The following SIPA1L2 variants were observed in gnomAD, a reference collection of about 807,000 sequenced individuals.
The protein encoded by SIPA1L2 is signal-induced proliferation-associated 1-like protein 2.
In SIPA1L2, 56 loss-of-function variants were observed where a neutral mutation model predicts 163.9. The observed-to-expected ratio is 0.34, with a 90% CI of 0.28 to 0.43. The LOEUF (loss-of-function observed/expected upper bound fraction) is 0.43. Ranked by LOEUF, SIPA1L2 falls within the 20% of genes least tolerant of loss-of-function variation. The pLI is 1.00. For synonymous variants in SIPA1L2, 877 were observed against 865.7 expected, an observed-to-expected ratio of 1.01 and a Z score of -0.23; for missense variants, 1,974 against 2,193.5, an observed-to-expected ratio of 0.90 and a Z score of 2.00.
intron 5 of SIPA1L2, among the ~76,000 whole-genome samples, chr1:232,485,573 T>C (rs1413201464): frequency 1.3e-5 from 2 of 152,204 alleles, no homozygotes; most frequent in Admixed American, 1.3e-4. Flanking sequence ...CTCATTTTAT[T>C]GTAAACATTA....
At position 232,415,546 on chromosome 1, in the gene SIPA1L2, T is replaced by C; in HGVS notation, c.4710A>G (p.Thr1570=). The change falls in exon 19 of 23, where the codon ACA becomes ACG. Residue 1570 remains threonine, a synonymous_variant. Transcript: ENST00000674635. Reference sequence around the variant, plus strand: ...GGTGGGTCCAATCTAACCCTGTGGCTGTGTCCGGGAGGGGCATCAGGCCAG... The same window carrying C: ...GGTGGGTCCAATCTAACCCTGTGGCCGTGTCCGGGAGGGGCATCAGGCCAG... The part of the protein sequence containing the change: ...ADPGLMPLPD[T]ATGLDWTHLV... The C allele has an allele frequency of 6.2e-7, 1 of 1,613,896 alleles. No individual in the cohort carries two copies. The highest frequency in any genetic ancestry group is 8.5e-7 in the Non-Finnish European group (1 of 1,179,902).
rs78208982 is a variant in SIPA1L2, at chr1:232,491,252, T to C, written c.1618-190A>G. Among the ~76,000 whole-genome samples, 605 of 152,148 alleles carry C rather than the reference T, an allele frequency of 4.0e-3. 1 individual carries two copies. Among genetic ancestry groups the C allele is most frequent in the African/African-American group, 0.014 (565 of 41,508 alleles). On this transcript the variant is annotated intron_variant, in intron 4 of 22. Coordinates refer to ENST00000674635, the MANE Select transcript of SIPA1L2 (RefSeq NM_020808.5). Reference sequence around the variant, plus strand: ...AAGGAGTCTTTAAACAGTAACAGTATACAAAGATCAGGAACAAGCCAGGCG... The same window carrying C: ...AAGGAGTCTTTAAACAGTAACAGTACACAAAGATCAGGAACAAGCCAGGCG...
At chr1:232,419,217 T>G (rs910740262) in intron 18 of SIPA1L2, among the ~76,000 whole-genome samples, 1 of 152,104 alleles carries the variant, frequency 6.6e-6, no homozygotes, top group Admixed American at 6.5e-5. Flanking sequence ...AAATCTAAAA[T>G]CCATCATTTT....
chr1:232,592,147 A>T (rs1014997180), intron 1 of SIPA1L2, among the ~76,000 whole-genome samples: 1 of 152,184 alleles, frequency 6.6e-6, no homozygotes, highest in East Asian at 1.9e-4. Flanking sequence ...GGAAAAAAAT[A>T]TAAAGTTATC....
chr1:232,442,569 G>GA (rs1354346558), intron 12 of SIPA1L2, among the ~76,000 whole-genome samples: 2 of 142,784 alleles, frequency 1.4e-5, no homozygotes, highest in African/African-American at 2.7e-5. Context: ...AAAAAAAAAG[G>GA]AAAAAAAAGA....
chr1:232,490,808 A>C, intron 5 of SIPA1L2, 66 bp downstream of exon 5: 2 of 1,487,182 alleles, frequency 1.3e-6, no homozygotes, highest in Non-Finnish European at 1.8e-6. Flanking sequence ...TGGATGGGAA[A>C]ACTCCAAAAC....
chr1:232,423,876 A>G (rs965965303), intron 18 of SIPA1L2, among the ~76,000 whole-genome samples: 2 of 152,246 alleles, frequency 1.3e-5, no homozygotes, highest in African/African-American at 4.8e-5. Context: ...AGAAGAGGCC[A>G]GTCTGAAAAG....
chr1:232,627,279 G>A (rs1663128270), intron 1 of SIPA1L2, among the ~76,000 whole-genome samples: 1 of 152,164 alleles, frequency 6.6e-6, no homozygotes, highest in African/African-American at 2.4e-5. Context: ...AAGTATGCAG[G>A]AAACACAATC....
At chr1:232,432,197 A>C in intron 16 of SIPA1L2, 50 bp downstream of exon 16, 4 of 1,478,212 alleles carry the variant, frequency 2.7e-6, no homozygotes, top group Non-Finnish European at 2.8e-6. Flanking sequence ...TGCTTAGTCA[A>C]TCCCTACAGT....
At chr1:232,616,149 C>T (rs7546704) in intron 1 of SIPA1L2, among the ~76,000 whole-genome samples, 115,267 of 152,086 alleles carry the variant, frequency 0.76, 43,858 homozygotes, top group African/African-American at 0.8. Flanking sequence ...ATGTGTTCTG[C>T]ATCTTGGGAG....
At chr1:232,612,570 C>T (rs960648801) in intron 1 of SIPA1L2, among the ~76,000 whole-genome samples, 7 of 152,176 alleles carry the variant, frequency 4.6e-5, no homozygotes, top group East Asian at 1.9e-4. Context: ...TTGACTGCCC[C>T]GCTGAATTTC....
chr1:232,427,462 T>C (rs1207783514), intron 17 of SIPA1L2, among the ~76,000 whole-genome samples: 1 of 152,224 alleles, frequency 6.6e-6, no homozygotes, highest in African/African-American at 2.4e-5. Context: ...CAATACCTGA[T>C]TTCCTTTTTC....
chr1:232,425,170 G>A (rs1188122164), intron 18 of SIPA1L2, among the ~76,000 whole-genome samples: 1 of 152,088 alleles, frequency 6.6e-6, no homozygotes, highest in Non-Finnish European at 1.5e-5. Context: ...TCCAGGTACT[G>A]AACTGCACGA....
intron 1 of SIPA1L2, among the ~76,000 whole-genome samples, chr1:232,598,997 C>T (rs751136769): frequency 3.9e-4 from 37 of 95,270 alleles, no homozygotes; most frequent in Middle Eastern, 5.8e-3. Context: ...CCAAATCCTG[C>T]GATTTTTTAG....
At chr1:232,521,314 T>A (rs111739957) in intron 2 of SIPA1L2, among the ~76,000 whole-genome samples, 2,320 of 152,274 alleles carry the variant, frequency 0.015, 63 homozygotes, top group African/African-American at 0.053. Context: ...TCAAGTGACA[T>A]CCCAGAAAAG....
chr1:232,415,312 C>T (rs1661182286), intron 19 of SIPA1L2, among the ~76,000 whole-genome samples, 182 bp downstream of exon 19: 1 of 152,180 alleles, frequency 6.6e-6, no homozygotes, highest in South Asian at 2.1e-4. Flanking sequence ...CATGATCTCC[C>T]TCAGGAAATG....
rs1484006556 is a variant in SIPA1L2, at chr1:232,515,376, G to A, written c.-37C>T. On this transcript the variant is annotated 5_prime_UTR_variant, in exon 3 of 23. Transcript: ENST00000674635. ...AAGAGCCTCCAAGTCTCACCAGGAA[G>A]ACTGATGTAAATCTAATTACATTGC... 14 of 1,531,056 alleles carry A rather than the reference G, an allele frequency of 9.1e-6. No homozygotes were observed. Among genetic ancestry groups the A allele is most frequent in the Non-Finnish European group, 1.2e-5 (14 of 1,142,208 alleles). 94.8% of individuals were successfully genotyped at this position (1,531,056 alleles called of 1,614,324 possible).
intron 7 of SIPA1L2, among the ~76,000 whole-genome samples, chr1:232,478,562 C>T (rs1368420757): frequency 6.6e-6 from 1 of 152,160 alleles, no homozygotes; most frequent in Admixed American, 6.5e-5. Flanking sequence ...TTAAATTTCA[C>T]TCATTTGACA....
chr1:232,562,389 G>C (rs1448470634), intron 2 of SIPA1L2, among the ~76,000 whole-genome samples: 3 of 152,132 alleles, frequency 2.0e-5, no homozygotes, highest in Non-Finnish European at 4.4e-5. Context: ...ATTAGTTTGG[G>C]GATGATCTGC....
Sources: allele counts gnomAD v4.1 joint callset (sites outside exome capture counted in the v4.1 genomes callset), GRCh38; gene constraint gnomAD v4.1.1; transcripts MANE v1.5; gene names NCBI Gene and HGNC (gene_info 2026-07-23, HGNC 2026-07-21).